Variants in WAC observed in about 807,000 individuals in gnomAD.
WAC encodes the protein WW domain containing adaptor with coiled-coil.
A neutral mutation model predicts 79.6 loss-of-function variants in WAC; 11 were observed. The ratio of observed to expected loss-of-function variants is 0.14; its 90% CI spans 0.09 to 0.23. The LOEUF (loss-of-function observed/expected upper bound fraction) is 0.23, where lower values mean the gene tolerates loss of function less well. WAC is among the 10% of genes least tolerant of loss of function. The pLI is 1.00. For synonymous variants in WAC, 304 were observed against 276.9 expected, an observed-to-expected ratio of 1.10 and a Z score of -0.97; for missense variants, 728 against 773.5, an observed-to-expected ratio of 0.94 and a Z score of 0.70.
chr10:28,584,596 AG>A (rs1236324057), intron 4 of WAC, among the ~76,000 whole-genome samples: 1 of 152,174 alleles, frequency 6.6e-6, no homozygotes, highest in Non-Finnish European at 1.5e-5. Flanking sequence ...AACAATGAGA[AG>A]GCTGACAAAG....
chr10:28,588,721 T>C (rs1475479995), intron 4 of WAC: 1 of 152,214 alleles, frequency 6.6e-6, no homozygotes, highest in Non-Finnish European at 1.5e-5. Flanking sequence ...GTTTAATCTT[T>C]TTAAATATTT....
chr10:28,551,031 T>G (rs549475670), intron 3 of WAC, among the ~76,000 whole-genome samples: 72 of 152,308 alleles, frequency 4.7e-4, no homozygotes, highest in African/African-American at 1.7e-3. Context: ...CAAACCCTCT[T>G]AAATTCATAT....
chr10:28,571,344 A>T (rs1295194179), intron 3 of WAC, among the ~76,000 whole-genome samples: 2 of 152,212 alleles, frequency 1.3e-5, no homozygotes, highest in Non-Finnish European at 2.9e-5. Context: ...TATTCAGAAG[A>T]TGAGATCTGT....
At chr10:28,544,422 C>CA (rs1837240281) in intron 3 of WAC, among the ~76,000 whole-genome samples, 1 of 152,180 alleles carries the variant, frequency 6.6e-6, no homozygotes, top group East Asian at 1.9e-4. Context: ...GATGACCTAA[C>CA]ATGCTACTTA....
chr10:28,544,947 C>T (rs1837269041), intron 3 of WAC, among the ~76,000 whole-genome samples: 1 of 150,992 alleles, frequency 6.6e-6, no homozygotes, highest in Non-Finnish European at 1.5e-5. Flanking sequence ...TACCTGTAAT[C>T]CCAGCTACTC....
Position 28,583,408 on chromosome 10 carries a change from A to G in WAC, c.284A>G (p.Tyr95Cys), listed in dbSNP as rs142450615. ...RVRERDGGTS[Y>C]SPQENSHNHS... is the part of the protein sequence containing the mutation. Reference sequence around the variant, plus strand: ...TCTTTATTTTTTTAAGGGACCAGTTACTCTCCACAAGAAAATTCACACAAC... The same window carrying G: ...TCTTTATTTTTTTAAGGGACCAGTTGCTCTCCACAAGAAAATTCACACAAC... The change falls in exon 4 of 14, where the codon TAC (tyrosine) becomes TGC (cysteine). Residue 95 changes from tyrosine (Y) to cysteine (C), a missense_variant. Coordinates refer to ENST00000354911, the MANE Select transcript of WAC (RefSeq NM_016628.5). 6.4e-5 allele frequency: 101 copies of G among 1,579,254 alleles called. No individual in the cohort carries two copies. In the African/African-American group the frequency reaches 1.3e-3, roughly 21 times the overall value.
At chr10:28,539,219 T>C (rs1836865572) in intron 3 of WAC, among the ~76,000 whole-genome samples, 1 of 152,188 alleles carries the variant, frequency 6.6e-6, no homozygotes, top group South Asian at 2.1e-4. Flanking sequence ...TGGATTTCAT[T>C]GAAAAATGCT....
At chr10:28,560,358 C>A (rs900737500) in intron 3 of WAC, among the ~76,000 whole-genome samples, 1 of 151,868 alleles carries the variant, frequency 6.6e-6, no homozygotes, top group Admixed American at 6.6e-5. Flanking sequence ...GAGATCCTGT[C>A]GGGAGTTAGG....
intron 3 of WAC, among the ~76,000 whole-genome samples, chr10:28,564,727 C>A (rs540945091): frequency 4.6e-5 from 7 of 152,254 alleles, no homozygotes; most frequent in African/African-American, 1.7e-4. Flanking sequence ...CAGAGAAATT[C>A]AGTATACCCT....
intron 6 of WAC, among the ~76,000 whole-genome samples, chr10:28,594,547 G>A (rs746217470): frequency 6.6e-6 from 1 of 152,040 alleles, no homozygotes; most frequent in Non-Finnish European, 1.5e-5. Flanking sequence ...AGAAGACCTC[G>A]TGCTTTGATG....
At chr10:28,551,819 T>TG (rs1397401638) in intron 3 of WAC, among the ~76,000 whole-genome samples, 19 of 144,664 alleles carry the variant, frequency 1.3e-4, no homozygotes, top group East Asian at 8.0e-4. Flanking sequence ...TGTGTGTGTG[T>TG]TTCTTTTTTT....
chr10:28,533,015 G>A (rs1198276942), upstream of WAC: 4 of 154,226 alleles, frequency 2.6e-5, no homozygotes, highest in Non-Finnish European at 5.8e-5. Flanking sequence ...GAGGTTTGCC[G>A]AGGGCGGTGT....
intron 3 of WAC, among the ~76,000 whole-genome samples, chr10:28,537,170 T>C (rs1376860461): frequency 6.6e-6 from 1 of 152,248 alleles, no homozygotes; most frequent in East Asian, 1.9e-4. Context: ...TTAGTGCTAT[T>C]TATGCAGATA....
At chr10:28,535,506 G>A in intron 2 of WAC, 56 bp from the exon 3 acceptor site, 1 of 1,477,710 alleles carries the variant, frequency 6.8e-7, no homozygotes, top group South Asian at 1.4e-5. Flanking sequence ...GTTTAAATTA[G>A]GGAGTTTAAG....
chr10:28,544,469 T>TG (rs1837243144), intron 3 of WAC, among the ~76,000 whole-genome samples: 1 of 152,214 alleles, frequency 6.6e-6, no homozygotes, highest in South Asian at 2.1e-4. Flanking sequence ...GTAGGATTGT[T>TG]GCGGGGTTAA....
At chr10:28,535,994 G>A in intron 3 of WAC, 1 of 284,388 alleles carries the variant, frequency 3.5e-6, no homozygotes. Flanking sequence ...TGTAATCTCA[G>A]CACTTGGGAG....
In WAC at chr10:28,611,892, C is replaced by G; in HGVS notation, c.1407C>G (p.Ile469Met). Reference protein sequence around the residue: ...QTNTVPIKPLISTPPVSSQPK... With the variant: ...QTNTVPIKPLMSTPPVSSQPK... ...ACACAGTCCCTATCAAACCTTTGATCAGTACTCCTCCTGTTTCATCACAGC... is the reference window on the plus strand; with the variant it reads ...ACACAGTCCCTATCAAACCTTTGATGAGTACTCCTCCTGTTTCATCACAGC... The change falls in exon 10 of 14, where the codon ATC becomes ATG. Residue 469 changes from isoleucine to methionine, a missense_variant. This residue lies in a region of WAC where 648 missense variants were observed against 661.5 expected (regional missense o/e 0.98). Transcript: ENST00000354911. The G allele has an allele frequency of 1.9e-6, 3 of 1,614,144 alleles. No individual in the cohort carries two copies. The Admixed American group carries it at 5.0e-5, about 27-fold the overall frequency.
chr10:28,594,582 C>T (rs1012850865), intron 6 of WAC, among the ~76,000 whole-genome samples: 8 of 152,080 alleles, frequency 5.3e-5, no homozygotes, highest in South Asian at 4.1e-4. Flanking sequence ...GGTGGTATTC[C>T]GGTACCTTTT....
intron 3 of WAC, among the ~76,000 whole-genome samples, chr10:28,551,152 T>C (rs954109652): frequency 1.3e-5 from 2 of 152,234 alleles, no homozygotes; most frequent in African/African-American, 4.8e-5. Flanking sequence ...CCAGATATCC[T>C]GTATCTGAAT....
Sources: allele counts gnomAD v4.1 joint callset (sites outside exome capture counted in the v4.1 genomes callset), GRCh38; gene constraint gnomAD v4.1.1; regional missense constraint gnomAD v4.1.1; transcripts MANE v1.5; gene names NCBI Gene and HGNC (gene_info 2026-07-23, HGNC 2026-07-21).